Variants in FMN1 observed in about 807,000 individuals in gnomAD.
The protein encoded by FMN1 is formin 1, also known as formin-1.
In FMN1, 110 loss-of-function variants were observed where a neutral mutation model predicts 132.4. The ratio of observed to expected loss-of-function variants is 0.83; its 90% confidence interval spans 0.71 to 0.97. FMN1 has a LOEUF of 0.97. Among genes scored for constraint, FMN1 ranks in the 50% least tolerant of loss-of-function variants. The probability of loss-of-function intolerance (pLI) is 0.00; values close to 1 mark genes in which losing one functional copy is unlikely to be tolerated. For missense variants in FMN1, 1,792 were observed against 1,705.3 expected (o/e 1.05, Z -0.90); for synonymous variants, 722 against 651.7 (o/e 1.11, Z -1.64).
In FMN1 at chr15:33,067,018, A is replaced by T. The variant is rs565054443; in HGVS notation, c.2044-1944T>A. On this transcript the variant is annotated intron_variant, in intron 5 of 20. Transcript: ENST00000616417. ...TTTCCGTGATGGTCTCTCCTCCCTCAGCGGTAGCCCCCTTCTTCAGCACAC... is the reference window on the plus strand; with the variant it reads ...TTTCCGTGATGGTCTCTCCTCCCTCTGCGGTAGCCCCCTTCTTCAGCACAC... The T allele has an allele frequency of 3.1e-6, 5 of 1,613,964 alleles. No individual in the cohort carries two copies. The African/African-American group carries it at 6.7e-5, about 22-fold the overall frequency.
At chr15:32,957,124 G>A (rs142206781) in intron 9 of FMN1, among the ~76,000 whole-genome samples, 9 of 152,074 alleles carry the variant, frequency 5.9e-5, no homozygotes, top group African/African-American at 7.2e-5. Flanking sequence ...AGAGGGAGAC[G>A]GGGAGAGAGG....
chr15:33,100,074 C>T (rs950666739), intron 4 of FMN1, among the ~76,000 whole-genome samples: 1 of 152,104 alleles, frequency 6.6e-6, no homozygotes, highest in African/African-American at 2.4e-5. Context: ...GCCATCATTC[C>T]ACTCAACAGG....
intron 5 of FMN1, among the ~76,000 whole-genome samples, chr15:33,086,437 A>C (rs1314624132): frequency 6.6e-6 from 1 of 152,006 alleles, no homozygotes; most frequent in African/African-American, 2.4e-5. Context: ...CACTGTAACT[A>C]TGTATTTCAA....
chr15:33,003,835 C>T (rs1484606896), intron 7 of FMN1, among the ~76,000 whole-genome samples: 2 of 152,206 alleles, frequency 1.3e-5, no homozygotes, highest in Admixed American at 6.5e-5. Flanking sequence ...GGTTCTGGTA[C>T]CAAAACAGAG....
intron 4 of FMN1, among the ~76,000 whole-genome samples, chr15:33,097,316 AAG>A (rs3081677): frequency 1.1e-3 from 156 of 147,312 alleles, no homozygotes; most frequent in Middle Eastern, 3.5e-3. Context: ...AAAAAAAAAA[AAG>A]AGAGAGAGAG....
rs2060532178 is a variant in FMN1 at position 32,910,506 on chromosome 15, C to T, written c.3256G>A (p.Asp1086Asn). Residue 1086 changes from aspartate to asparagine, a missense_variant, in exon 11 of 21, where the codon GAT becomes AAT. Asp to Asn is a conservative substitution (Grantham distance 23). This residue lies in a region of FMN1 where 1,150 missense variants were observed against 1,043.1 expected (regional missense o/e 1.10). Transcript: ENST00000616417. ...TATAAGGCTGCCAGGGTCTCCAGAT[C>T]AACCACGGAGTCATCCACATTGAAA... The part of the protein sequence containing the change: ...AIFNVDDSVV[D>N]LETLAALYEN... The T allele has an allele frequency of 1.3e-6, 2 of 1,579,438 alleles. No homozygotes were observed. The highest frequency in any genetic ancestry group is 2.7e-5 in the African/African-American group (2 of 74,196).
intron 6 of FMN1, among the ~76,000 whole-genome samples, chr15:33,055,217 C>G (rs1282217113): frequency 6.6e-6 from 1 of 152,126 alleles, no homozygotes; most frequent in Non-Finnish European, 1.5e-5. Flanking sequence ...TTATCTTAAC[C>G]CAGACACTCC....
rs550840412 is a variant in FMN1, at chr15:33,135,850, C to G, written c.1867+17198G>C. 2.0e-5 allele frequency among the ~76,000 whole-genome samples: 3 copies of G among 152,304 alleles called. No homozygotes were observed. The South Asian group carries it at 6.2e-4, about 32-fold the overall frequency. On this transcript the variant is annotated intron_variant, in intron 4 of 20. Coordinates refer to ENST00000616417, the MANE Select transcript of FMN1 (RefSeq NM_001277313.2). The stretch of plus-strand genomic sequence containing the variant: ...TGTCTTTTCCCATCACCCACATGCC[C>G]TGCTGTACATAGAGTATACAATTGG...
Position 32,888,184 on chromosome 15 carries a change from T to A in FMN1, c.3823A>T (p.Arg1275Trp). The change falls in exon 16 of 21, where the codon AGG (arginine) becomes TGG (tryptophan). Residue 1275 changes from arginine to tryptophan, a missense_variant. Around this residue, in one of 3 missense-constraint regions of FMN1, gnomAD observed 1,150 missense variants for 1,043.1 expected, o/e 1.10. Transcript: ENST00000616417. ...CAGTTCCTATTACCTTCTAGTTGCC[T>A]CTTCAGTTTTCTCAAATCTTTTATG... ...DLIKDLRKLK[R>W]QLEASEKQMV... 6.2e-7 allele frequency: 1 copy of A among 1,608,310 alleles called. No homozygotes were observed. The highest frequency in any genetic ancestry group is 8.5e-7 in the Non-Finnish European group (1 of 1,178,120).
chr15:33,120,224 G>T (rs532522056), intron 4 of FMN1, among the ~76,000 whole-genome samples: 41 of 152,104 alleles, frequency 2.7e-4, no homozygotes, highest in Admixed American at 1.4e-3. Flanking sequence ...CTACGGCTTT[G>T]AAGAACATTA....
chr15:33,090,629 T>A (rs2038869791), intron 4 of FMN1, among the ~76,000 whole-genome samples: 1 of 151,938 alleles, frequency 6.6e-6, no homozygotes, highest in African/African-American at 2.4e-5. Context: ...CTCGGTCAGA[T>A]CCCTTAGAAC....
chr15:33,077,488 A>G (rs143427687), intron 5 of FMN1, among the ~76,000 whole-genome samples: 20 of 151,804 alleles, frequency 1.3e-4, no homozygotes, highest in African/African-American at 3.6e-4. Context: ...TACCTTAGGT[A>G]TATCTCATAA....
In FMN1 at chr15:32,900,015, T is replaced by G; in HGVS notation, c.3618A>C (p.Leu1206Phe). ...CATCCTTGAGTTTGGGCAGAATTTC[T>G]AAGCTATATCCATCGGCTTGTCCCC... ...RTRGQADGYS[L>F]EILPKLKDVK... Residue 1206 changes from leucine to phenylalanine, a missense_variant, in exon 14 of 21, where the codon TTA (leucine) becomes TTC (phenylalanine). Coordinates refer to ENST00000616417, the MANE Select transcript of FMN1 (RefSeq NM_001277313.2). The G allele has an allele frequency of 6.2e-7, 1 of 1,613,978 alleles. No individual in the cohort carries two copies. Among genetic ancestry groups the G allele is most frequent in the African/African-American group, 1.3e-5 (1 of 75,054 alleles).
chr15:32,941,334 A>C (rs1020877021), intron 9 of FMN1, among the ~76,000 whole-genome samples: 2 of 152,176 alleles, frequency 1.3e-5, no homozygotes, highest in African/African-American at 4.8e-5. Flanking sequence ...GGAGTCATTT[A>C]ACACTTAGCA....
chr15:32,875,252 G>A (rs577636081), intron 16 of FMN1, among the ~76,000 whole-genome samples: 9 of 152,300 alleles, frequency 5.9e-5, no homozygotes, highest in African/African-American at 2.2e-4. Context: ...CAGACAGTAA[G>A]TAGCTGAGTC....
intron 5 of FMN1, chr15:33,067,487 T>C: frequency 1.2e-6 from 2 of 1,613,954 alleles, no homozygotes; most frequent in Non-Finnish European, 1.7e-6. Flanking sequence ...ACAAATGACA[T>C]CGTCTTTTGT....
At chr15:32,899,877 G>A in intron 14 of FMN1, 102 bp downstream of exon 14, 2 of 1,130,012 alleles carry the variant, frequency 1.8e-6, no homozygotes, top group Non-Finnish European at 2.5e-6. Flanking sequence ...GTTAAGGGGA[G>A]GATAGAGATA....
chr15:33,093,631 G>C (rs1223610313), intron 4 of FMN1, among the ~76,000 whole-genome samples: 1 of 152,194 alleles, frequency 6.6e-6, no homozygotes, highest in Non-Finnish European at 1.5e-5. Context: ...ACAATTCTGA[G>C]AAGGTGTGGT....
intron 9 of FMN1, among the ~76,000 whole-genome samples, chr15:32,936,656 G>C (rs1251193275): frequency 1.3e-5 from 2 of 151,946 alleles, no homozygotes; most frequent in Admixed American, 6.6e-5. Context: ...GGGGGAGTGG[G>C]AGGAAGAGGA....
Sources: gnomAD v4.1 joint callset for allele counts (sites outside exome capture counted in the v4.1 genomes callset) on GRCh38, gnomAD v4.1.1 for gene constraint, gnomAD v4.1.1 regional missense constraint, MANE v1.5 for transcripts, NCBI Gene and HGNC (gene_info 2026-07-23, HGNC 2026-07-21) for gene names.